ABCA12: variants seen among roughly 807,000 people sequenced by gnomAD.
ABCA12 encodes glucosylceramide transporter ABCA12.
Under a neutral mutation model 293.5 loss-of-function variants are expected in ABCA12, and 156 were observed. The observed-to-expected ratio is 0.53, with a 90% confidence interval of 0.47 to 0.61. The LOEUF (loss-of-function observed/expected upper bound fraction) is 0.61. Among genes scored for constraint, ABCA12 ranks in the 20% least tolerant of loss-of-function variants. ABCA12 has a pLI of 0.00. For synonymous variants in ABCA12, 1,063 were observed against 1,108.0 expected, an observed-to-expected ratio of 0.96 and a Z score of 0.81; for missense variants, 2,797 against 3,090.2, an observed-to-expected ratio of 0.91 and a Z score of 2.25.
At chr2:215,122,037 G>A (rs1457251896) in intron 1 of ABCA12, among the ~76,000 whole-genome samples, 1 of 152,158 alleles carries the variant, frequency 6.6e-6, no homozygotes, top group Non-Finnish European at 1.5e-5. Context: ...CTAAAAACTG[G>A]AATCAAGAAA....
intron 1 of ABCA12, among the ~76,000 whole-genome samples, chr2:215,134,443 C>T (rs1263294171): frequency 1.3e-4 from 17 of 129,834 alleles, no homozygotes; most frequent in East Asian, 4.3e-4. Context: ...TGTATATATA[C>T]GTATATATGT....
chr2:214,941,473 T>C (rs1167057098), intron 50 of ABCA12, among the ~76,000 whole-genome samples: 1 of 152,214 alleles, frequency 6.6e-6, no homozygotes, highest in East Asian at 1.9e-4. Context: ...GTCCACTTGG[T>C]CCAGAGCTGA....
intron 7 of ABCA12, among the ~76,000 whole-genome samples, chr2:215,045,500 G>A (rs1229044256): frequency 1.3e-5 from 2 of 152,160 alleles, no homozygotes; most frequent in Non-Finnish European, 1.5e-5. Context: ...GTTGCATAGA[G>A]CTCAGGTTGT....
At chr2:215,137,548 G>T (rs1221364363) in intron 1 of ABCA12, among the ~76,000 whole-genome samples, 1 of 152,162 alleles carries the variant, frequency 6.6e-6, no homozygotes, top group Non-Finnish European at 1.5e-5. Context: ...AAGATAGATT[G>T]TAGTAGTAAA....
At chr2:214,948,335 G>C (rs1698643922) in intron 47 of ABCA12, among the ~76,000 whole-genome samples, 2 of 152,156 alleles carry the variant, frequency 1.3e-5, no homozygotes, top group South Asian at 4.1e-4. Flanking sequence ...TCCTGTATTT[G>C]ACAGTTCTTA....
Position 215,052,569 on chromosome 2 carries a change from C to G in ABCA12, c.425G>C (p.Ser142Thr). ...GGGGATTTCCAAATCAGAACTTGGA[C>G]TGGGAAATACTGTGGCTGTAATCAA... ...RHASLATVFP[S>T]PSSDLEIPGT... The change falls in exon 5 of 53, where the codon AGT becomes ACT. Residue 142 changes from serine to threonine, a missense_variant. Transcript: ENST00000272895. 1 of 1,612,176 alleles carries G rather than the reference C, an allele frequency of 6.2e-7. No individual in the cohort carries two copies. The highest frequency in any genetic ancestry group is 1.1e-5 in the South Asian group (1 of 91,064).
intron 23 of ABCA12, among the ~76,000 whole-genome samples, chr2:214,994,589 A>G (rs1475720925): frequency 6.6e-6 from 1 of 152,216 alleles, no homozygotes; most frequent in Non-Finnish European, 1.5e-5. Context: ...GTACTAACTC[A>G]TAAGGAATAA....
rs962567313 is a variant in ABCA12, at chr2:215,046,025, T to C, written c.694-10A>G. ...TGGGGTCACTGGATAGCTTAAAATA[T>C]AAAACCACAAACAGAGCAAAATGAG... On this transcript the variant is annotated splice_polypyrimidine_tract_variant and intron_variant, in intron 6 of 52. Coordinates refer to ENST00000272895, the MANE Select transcript of ABCA12 (RefSeq NM_173076.3). The C allele has an allele frequency of 3.7e-6, 6 of 1,612,712 alleles. No homozygotes were observed. Among genetic ancestry groups the C allele is most frequent in the Non-Finnish European group, 5.1e-6 (6 of 1,179,412 alleles).
chr2:215,016,610 A>AAAAAAAAAAAAAAC (rs1700511576), intron 14 of ABCA12, among the ~76,000 whole-genome samples: 2 of 145,126 alleles, frequency 1.4e-5, no homozygotes, highest in African/African-American at 2.6e-5. Context: ...AAAAAAAAAA[A>AAAAAAAAAAAAAAC]AAAAGACTTT....
At chr2:215,040,636 C>T (rs552061774) in intron 7 of ABCA12, among the ~76,000 whole-genome samples, 5 of 152,106 alleles carry the variant, frequency 3.3e-5, no homozygotes, top group Admixed American at 2.6e-4. Flanking sequence ...TGGTGAAACC[C>T]CGTCTCTACC....
chr2:215,125,086 T>C (rs1702894346), intron 1 of ABCA12, among the ~76,000 whole-genome samples: 1 of 149,070 alleles, frequency 6.7e-6, no homozygotes. Context: ...ATGATTTTGT[T>C]TGCTTTGTGG....
chr2:214,990,388 C>T (rs1004731478), intron 24 of ABCA12, among the ~76,000 whole-genome samples: 2 of 152,128 alleles, frequency 1.3e-5, no homozygotes, highest in African/African-American at 4.8e-5. Context: ...GGCTCCAAGA[C>T]GTTTCAGGAA....
At chr2:215,114,793 T>A (rs1702652306) in intron 1 of ABCA12, among the ~76,000 whole-genome samples, 1 of 152,204 alleles carries the variant, frequency 6.6e-6, no homozygotes, top group African/African-American at 2.4e-5. Context: ...GGTTAAAAAA[T>A]TAATGTTTGT....
At chr2:215,050,897 C>T in intron 5 of ABCA12, 1 of 814,686 alleles carries the variant, frequency 1.2e-6, no homozygotes. Flanking sequence ...AATATATCAT[C>T]CTAATTTTTA....
At chr2:215,075,315 G>A (rs754229749) in intron 2 of ABCA12, among the ~76,000 whole-genome samples, 5 of 152,120 alleles carry the variant, frequency 3.3e-5, no homozygotes, top group Non-Finnish European at 7.3e-5. Context: ...AAAGTTGTTA[G>A]GAGTTAATCA....
intron 41 of ABCA12, 86 bp downstream of exon 41, chr2:214,958,191 G>A: frequency 6.5e-7 from 1 of 1,527,302 alleles, no homozygotes; most frequent in Non-Finnish European, 9.1e-7. Context: ...GAACAAACTA[G>A]AGTAAATAAC....
chr2:215,031,989 G>A, intron 8 of ABCA12, 93 bp from the exon 9 acceptor site: 1 of 1,593,944 alleles, frequency 6.3e-7, no homozygotes, highest in South Asian at 1.1e-5. Flanking sequence ...AAATTAATGA[G>A]GAGAAAATGC....
intron 30 of ABCA12, among the ~76,000 whole-genome samples, chr2:214,981,128 T>A (rs1358484055): frequency 6.6e-6 from 1 of 151,308 alleles, no homozygotes; most frequent in East Asian, 1.9e-4. Flanking sequence ...GAAGAAAAAC[T>A]CAGAAGGGTG....
At chr2:214,980,684 A>C in intron 30 of ABCA12, 41 bp from the exon 31 acceptor site, 1 of 1,612,988 alleles carries the variant, frequency 6.2e-7, no homozygotes, top group Non-Finnish European at 8.5e-7. Context: ...TGAAACGTGA[A>C]AGTACAGTTC....
Sources: allele counts gnomAD v4.1 joint callset (sites outside exome capture counted in the v4.1 genomes callset), GRCh38; gene constraint gnomAD v4.1.1; transcripts MANE v1.5; gene names NCBI Gene and HGNC (gene_info 2026-07-23, HGNC 2026-07-21).